The following CC2D2A variants were observed in gnomAD, a reference collection of about 807,000 sequenced individuals.
The protein encoded by CC2D2A is coiled-coil and C2 domain-containing protein 2A.
In CC2D2A, 155 loss-of-function variants were observed where a neutral mutation model predicts 212.9. The observed-to-expected ratio is 0.73, with a 90% CI of 0.64 to 0.83. The LOEUF is 0.83. CC2D2A is among the 40% of genes least tolerant of loss of function. CC2D2A has a pLI of 0.00. For missense variants in CC2D2A, 1,856 were observed against 1,956.2 expected, an observed-to-expected ratio of 0.95 and a Z score of 0.97; for synonymous variants, 667 against 686.5, an observed-to-expected ratio of 0.97 and a Z score of 0.44.
At chr4:15,494,928 C>A (rs1715527811) in intron 4 of CC2D2A, among the ~76,000 whole-genome samples, 1 of 152,066 alleles carries the variant, frequency 6.6e-6, no homozygotes, top group African/African-American at 2.4e-5. Context: ...GTCTTTCCAA[C>A]TTTTAGGTTC....
At chr4:15,502,365 T>G in intron 4 of CC2D2A, 64 bp from the exon 5 acceptor site, 3 of 1,187,252 alleles carry the variant, frequency 2.5e-6, no homozygotes, top group African/African-American at 1.7e-5. Context: ...TTTAAAGTAA[T>G]TTTCCTTTTT....
chr4:15,513,429 A>G (rs1293088503), intron 8 of CC2D2A, among the ~76,000 whole-genome samples: 5 of 152,200 alleles, frequency 3.3e-5, no homozygotes, highest in Non-Finnish European at 7.3e-5. Context: ...TCCAATTGCG[A>G]ATATCTTCTG....
intron 14 of CC2D2A, among the ~76,000 whole-genome samples, chr4:15,533,728 G>A (rs1204713252): frequency 1.3e-5 from 2 of 152,142 alleles, no homozygotes; most frequent in African/African-American, 4.8e-5. Context: ...ACAGCACATA[G>A]CTGTAGTTAG....
At chr4:15,519,882 G>A (rs1220893563) in intron 11 of CC2D2A, 6 of 271,086 alleles carry the variant, frequency 2.2e-5, no homozygotes, top group African/African-American at 1.3e-4. Flanking sequence ...TTTGGGTGGG[G>A]ACACAGCCAA....
Position 15,527,617 on chromosome 4 carries a change from A to C in CC2D2A, c.1320A>C (p.Ala440=). 1 of 1,612,394 alleles carries C rather than the reference A, an allele frequency of 6.2e-7. No individual in the cohort carries two copies. The highest frequency in any genetic ancestry group is 8.5e-7 in the Non-Finnish European group (1 of 1,179,160). Residue 440 remains alanine, a synonymous_variant, in exon 12 of 37, where the codon GCA becomes GCC. Transcript: ENST00000424120. ...KLAQLYDQYL[A]RHQRNKAKFL... is the part of the protein sequence containing the mutation. The stretch of plus-strand genomic sequence containing the variant: ...CCCAGTTATATGACCAGTACCTTGC[A>C]AGACACCAGAGAAACAAGGCGAAAT...
At chr4:15,490,607 A>G (rs566735209) in intron 4 of CC2D2A, among the ~76,000 whole-genome samples, 1 of 152,238 alleles carries the variant, frequency 6.6e-6, no homozygotes, top group East Asian at 1.9e-4. Flanking sequence ...GTTGCTGTGA[A>G]CACTTGCAAA....
At position 15,492,648 on chromosome 4, in the gene CC2D2A, C is replaced by T. The variant is rs190460322; in HGVS notation, c.248-9781C>T. The T allele has an allele frequency of 3.6e-5, 20 of 557,058 alleles. No homozygotes were observed. In the East Asian group the frequency reaches 4.1e-4, roughly 11 times the overall value. The allele number at this position is 557,058 out of a possible 1,614,324, so 34.5% of individuals were successfully genotyped here. On this transcript the variant is annotated intron_variant, in intron 4 of 36. Transcript: ENST00000424120. ...TCTCAGTGAGGTGGGGGACTAAGGGCGGCAGGGACTCCTCAGCAGCTGAGG... is the reference window on the plus strand; with the variant it reads ...TCTCAGTGAGGTGGGGGACTAAGGGTGGCAGGGACTCCTCAGCAGCTGAGG...
intron 1 of CC2D2A, among the ~76,000 whole-genome samples, chr4:15,472,166 G>A (rs1159104863): frequency 1.3e-5 from 2 of 152,188 alleles, no homozygotes; most frequent in Non-Finnish European, 2.9e-5. Context: ...AGAGTCTTGG[G>A]ATCAAGTTCT....
intron 3 of CC2D2A, 34 bp from the exon 4 acceptor site, chr4:15,480,670 G>C (rs1465417884): frequency 1.3e-6 from 2 of 1,595,044 alleles, no homozygotes; most frequent in Non-Finnish European, 1.7e-6. Flanking sequence ...ATAAAGTCCT[G>C]GGAGTCTCTG....
chr4:15,536,341 G>A (rs6839217), intron 14 of CC2D2A, among the ~76,000 whole-genome samples: 45,295 of 150,940 alleles, frequency 0.3, 7,792 homozygotes, highest in Non-Finnish European at 0.4. Flanking sequence ...ATAGCATTAG[G>A]AGAAATACCT....
At chr4:15,550,164 T>C (rs946716559) in intron 17 of CC2D2A, among the ~76,000 whole-genome samples, 8 of 152,198 alleles carry the variant, frequency 5.3e-5, no homozygotes, top group African/African-American at 1.7e-4. Context: ...TAAACGATGG[T>C]TGCCCTGCAA....
chr4:15,517,322 C>T (rs1394418154), intron 11 of CC2D2A, among the ~76,000 whole-genome samples: 2 of 152,094 alleles, frequency 1.3e-5, no homozygotes, highest in African/African-American at 4.8e-5. Context: ...TTTACACATC[C>T]AGGTTAGCTA....
chr4:15,552,796 G>A (rs1267672551), intron 18 of CC2D2A, among the ~76,000 whole-genome samples: 1 of 152,174 alleles, frequency 6.6e-6, no homozygotes, highest in African/African-American at 2.4e-5. Flanking sequence ...GAATGACTAA[G>A]TAAATAAATG....
At chr4:15,550,656 C>T (rs1577368691) in intron 17 of CC2D2A, 168 bp from the exon 18 acceptor site, 1 of 433,078 alleles carries the variant, frequency 2.3e-6, no homozygotes, top group Non-Finnish European at 4.0e-6. Context: ...GTTGTAAGCT[C>T]ATCTCCATGG....
chr4:15,548,794 C>T (rs1021200829), intron 17 of CC2D2A, among the ~76,000 whole-genome samples: 2 of 152,012 alleles, frequency 1.3e-5, no homozygotes, highest in Non-Finnish European at 2.9e-5. Flanking sequence ...CACTCCTTGT[C>T]CCATCAGAGT....
intron 35 of CC2D2A, among the ~76,000 whole-genome samples, chr4:15,598,101 G>A (rs1262185756): frequency 1.3e-5 from 2 of 152,136 alleles, no homozygotes; most frequent in Non-Finnish European, 2.9e-5. Context: ...TCTCCATAAT[G>A]CCTTATTCAA....
At chr4:15,528,279 T>C (rs1157621432) in intron 12 of CC2D2A, among the ~76,000 whole-genome samples, 1 of 152,252 alleles carries the variant, frequency 6.6e-6, no homozygotes, top group Non-Finnish European at 1.5e-5. Context: ...TACCATCATA[T>C]GTCCTGGACC....
chr4:15,583,781 C>G (rs1463213709), intron 30 of CC2D2A, among the ~76,000 whole-genome samples: 1 of 151,954 alleles, frequency 6.6e-6, no homozygotes. Flanking sequence ...AACCCCGTCT[C>G]TACTAAAAAT....
At chr4:15,596,252 T>C in intron 34 of CC2D2A, 45 bp downstream of exon 34, 2 of 1,445,184 alleles carry the variant, frequency 1.4e-6, no homozygotes, top group African/African-American at 1.4e-5. Flanking sequence ...AAGTAAAAGA[T>C]AGGAAATTAT....
Sources: allele counts gnomAD v4.1 joint callset (sites outside exome capture counted in the v4.1 genomes callset), GRCh38; gene constraint gnomAD v4.1.1; transcripts MANE v1.5; gene names NCBI Gene and HGNC (gene_info 2026-07-23, HGNC 2026-07-21).